C9orf85: variants seen among roughly 807,000 people sequenced by gnomAD.
C9orf85 encodes the protein chromosome 9 open reading frame 85.
Under a neutral mutation model 14.9 loss-of-function variants are expected in C9orf85, and 16 were observed. That is an observed-to-expected ratio of 1.08 (90% CI 0.73 to 1.63). The LOEUF (loss-of-function observed/expected upper bound fraction) is 1.63. Among genes scored for constraint, C9orf85 ranks in the 40% most tolerant of loss-of-function variants. The pLI is 0.00. For missense variants in C9orf85, 172 were observed against 186.1 expected (o/e 0.92, Z 0.44); for synonymous variants, 45 against 56.8 (o/e 0.79, Z 0.93).
chr9:71,955,429 G>A (rs557938512), intron 2 of C9orf85, among the ~76,000 whole-genome samples: 114 of 152,060 alleles, frequency 7.5e-4, no homozygotes, highest in Non-Finnish European at 1.3e-3. Flanking sequence ...CTTCAATAAC[G>A]GTTTTGGACA....
At chr9:71,972,126 G>T in intron 3 of C9orf85, among the ~76,000 whole-genome samples, 1 of 152,164 alleles carries the variant, frequency 6.6e-6, no homozygotes, top group East Asian at 1.9e-4. Context: ...ATTTATGTGT[G>T]AGATTCATAT....
intron 2 of C9orf85, among the ~76,000 whole-genome samples, chr9:71,960,116 AAAATG>A (rs1418489941): frequency 2.0e-5 from 3 of 152,246 alleles, no homozygotes; most frequent in African/African-American, 7.2e-5. Flanking sequence ...AGGCTGCAGA[AAAATG>A]AAATGAAACC....
chr9:71,933,907 C>T (rs1828129034), intron 1 of C9orf85, among the ~76,000 whole-genome samples: 2 of 152,120 alleles, frequency 1.3e-5, no homozygotes, highest in Non-Finnish European at 2.9e-5. Context: ...GTTTCACCTC[C>T]TTAACCAATC....
chr9:71,944,233 CAA>C (rs34012700), intron 1 of C9orf85, among the ~76,000 whole-genome samples: 7 of 20,650 alleles, frequency 3.4e-4, no homozygotes, highest in Admixed American at 1.4e-3. Context: ...GACTCTGTCT[CAA>C]AAAAAAAAAA....
intron 2 of C9orf85, among the ~76,000 whole-genome samples, chr9:71,970,689 C>G (rs1479408803): frequency 6.6e-6 from 1 of 151,976 alleles, no homozygotes; most frequent in Non-Finnish European, 1.5e-5. Flanking sequence ...TCCTGGGTGC[C>G]TAGAATTTCT....
At chr9:71,938,530 T>C (rs937158348) in intron 1 of C9orf85, among the ~76,000 whole-genome samples, 1 of 152,048 alleles carries the variant, frequency 6.6e-6, no homozygotes, top group Non-Finnish European at 1.5e-5. Flanking sequence ...TCTGTATTGA[T>C]ACAGTGGCAA....
chr9:71,940,462 C>A (rs529796750), intron 1 of C9orf85, among the ~76,000 whole-genome samples: 2 of 151,894 alleles, frequency 1.3e-5, no homozygotes, highest in Non-Finnish European at 2.9e-5. Context: ...AAAAAACCCA[C>A]GATGGCAAGT....
rs190563287 is a variant in C9orf85, at chr9:71,960,688, A to G, written c.210-10817A>G. 3.2e-3 allele frequency among the ~76,000 whole-genome samples: 481 copies of G among 152,198 alleles called. 4 individuals are homozygous for G. Among genetic ancestry groups the G allele is most frequent in the Admixed American group, 8.3e-3 (127 of 15,272 alleles). ...CAGCCTCCTGAGTAGCTGGGAATTC[A>G]GGCGCCTGCCACCATGCCTGGCTAA... On this transcript the variant is annotated intron_variant, in intron 2 of 3. Transcript: ENST00000334731.
At chr9:71,917,013 C>T (rs936641207) in intron 1 of C9orf85, among the ~76,000 whole-genome samples, 1 of 152,102 alleles carries the variant, frequency 6.6e-6, no homozygotes, top group African/African-American at 2.4e-5. Context: ...GAAATTAGGG[C>T]TTAGAGGTGA....
At chr9:71,926,100 T>C (rs1412535006) in intron 1 of C9orf85, among the ~76,000 whole-genome samples, 1 of 152,250 alleles carries the variant, frequency 6.6e-6, no homozygotes, top group East Asian at 1.9e-4. Flanking sequence ...TCTTAATTTT[T>C]AGTCTGTCAA....
chr9:71,966,299 A>G (rs1038410451), intron 2 of C9orf85, among the ~76,000 whole-genome samples: 1 of 152,204 alleles, frequency 6.6e-6, no homozygotes, highest in Admixed American at 6.5e-5. Flanking sequence ...ACTCCTTTAA[A>G]TGTAATTCAG....
chr9:71,928,186 C>CAAAAAAAAAAAAAAAAAAAAAAAAAAAA, intron 1 of C9orf85, among the ~76,000 whole-genome samples: 1 of 74,278 alleles, frequency 1.3e-5, no homozygotes, highest in African/African-American at 5.6e-5. Flanking sequence ...GGCTCTGTCT[C>CAAAAAAAAAAAAAAAAAAAAAAAAAAAA]AAAAAAAAAA....
At chr9:71,926,561 C>T (rs1200160185) in intron 1 of C9orf85, among the ~76,000 whole-genome samples, 1 of 150,768 alleles carries the variant, frequency 6.6e-6, no homozygotes, top group Non-Finnish European at 1.5e-5. Flanking sequence ...ACCCGAAACC[C>T]GAAGTATCCT....
chr9:71,946,619 C>T (rs1399975586), intron 1 of C9orf85, among the ~76,000 whole-genome samples: 2 of 151,784 alleles, frequency 1.3e-5, no homozygotes, highest in East Asian at 3.9e-4. Flanking sequence ...ATGGTGAAAC[C>T]CTGTCTCTAC....
chr9:71,941,422 T>C (rs542069746), intron 1 of C9orf85, among the ~76,000 whole-genome samples: 8 of 152,276 alleles, frequency 5.3e-5, no homozygotes, highest in Admixed American at 1.3e-4. Context: ...TAATAGGAAG[T>C]ACACAACAGT....
downstream of C9orf85, among the ~76,000 whole-genome samples, chr9:71,973,621 A>T (rs1420227887): frequency 5.3e-5 from 8 of 152,156 alleles, no homozygotes; most frequent in Admixed American, 5.2e-4. Flanking sequence ...TATAATTTAT[A>T]CACTTTATAA....
At chr9:71,948,611 TC>T (rs1469548377) in intron 2 of C9orf85, among the ~76,000 whole-genome samples, 1 of 152,192 alleles carries the variant, frequency 6.6e-6, no homozygotes, top group African/African-American at 2.4e-5. Context: ...AACCTCCGCC[TC>T]CCAGGTTCAA....
intron 1 of C9orf85, chr9:71,918,285 T>A (rs749931162): frequency 4.9e-6 from 2 of 405,538 alleles, no homozygotes; most frequent in South Asian, 4.4e-5. Flanking sequence ...ACTAATTATA[T>A]TAGTGTTCCT....
At chr9:71,938,426 T>G (rs191770305) in intron 1 of C9orf85, among the ~76,000 whole-genome samples, 1 of 151,954 alleles carries the variant, frequency 6.6e-6, no homozygotes, top group Admixed American at 6.6e-5. Context: ...TATAAGTCAG[T>G]TGAGTTGAGT....
Sources: allele counts gnomAD v4.1 joint callset (sites outside exome capture counted in the v4.1 genomes callset), GRCh38; gene constraint gnomAD v4.1.1; transcripts MANE v1.5; gene names NCBI Gene and HGNC (gene_info 2026-07-23, HGNC 2026-07-21).